The following BCKDHB variants were observed in gnomAD, a reference collection of about 807,000 sequenced individuals.
BCKDHB encodes the protein branched chain keto acid dehydrogenase E1 subunit beta, also known as 2-oxoisovalerate dehydrogenase subunit beta, mitochondrial.
Under a neutral mutation model 48.5 loss-of-function variants are expected in BCKDHB, and 41 were observed. The observed-to-expected ratio is 0.85, with a 90% CI of 0.66 to 1.10. The LOEUF is 1.10. BCKDHB is among the 50% of genes least tolerant of loss of function. BCKDHB has a pLI of 0.00. For missense variants in BCKDHB, 496 were observed against 494.2 expected (o/e 1.00, Z -0.03); for synonymous variants, 201 against 174.8 (o/e 1.15, Z -1.18).
chr6:80,342,934 C>T (rs1210868699), intron 9 of BCKDHB, among the ~76,000 whole-genome samples: 3 of 152,290 alleles, frequency 2.0e-5, no homozygotes, highest in Middle Eastern at 3.4e-3. Context: ...TCATGGAAGA[C>T]AGATAATTGG....
chr6:80,197,084 A>G (rs182250475), intron 6 of BCKDHB, among the ~76,000 whole-genome samples: 52 of 152,300 alleles, frequency 3.4e-4, no homozygotes, highest in Admixed American at 3.1e-3. Flanking sequence ...GGAATCTGTA[A>G]TATGACTCTG....
At chr6:80,226,273 G>T (rs1404641862) in intron 8 of BCKDHB, among the ~76,000 whole-genome samples, 2 of 152,130 alleles carry the variant, frequency 1.3e-5, no homozygotes, top group Non-Finnish European at 2.9e-5. Flanking sequence ...TCCATATAGG[G>T]GCATTCAACG....
At chr6:80,140,107 T>C (rs895380993) in intron 3 of BCKDHB, among the ~76,000 whole-genome samples, 13 of 152,214 alleles carry the variant, frequency 8.5e-5, no homozygotes, top group African/African-American at 2.7e-4. Flanking sequence ...TCTCTGTTTG[T>C]CTTTTATTGG....
At position 80,259,668 on chromosome 6, in the gene BCKDHB, A is replaced by G. The variant is rs181539049; in HGVS notation, c.952-13467A>G. Among the ~76,000 whole-genome samples the G allele has an allele frequency of 3.0e-3, 461 of 152,338 alleles. 1 individual carries two copies. The highest frequency in any genetic ancestry group is 0.027 in the Middle Eastern group (8 of 294). ...GCCAAAAGAATAATGATACCCTAACATGTTTCTTTTAATTTATTGGAAATA... is the reference window on the plus strand; with the variant it reads ...GCCAAAAGAATAATGATACCCTAACGTGTTTCTTTTAATTTATTGGAAATA... On this transcript the variant is annotated intron_variant, in intron 8 of 9. Transcript: ENST00000320393.
chr6:80,338,376 A>G (rs1320498255), intron 9 of BCKDHB, among the ~76,000 whole-genome samples: 1 of 152,094 alleles, frequency 6.6e-6, no homozygotes, highest in Non-Finnish European at 1.5e-5. Context: ...GTGTGCGCGG[A>G]GGGATTTCCA....
At chr6:80,356,340 G>A in the BCKDHB span, 2 of 152,162 alleles carry the variant, frequency 1.3e-5, no homozygotes, top group African/African-American at 2.4e-5. Context: ...AACAATAAAA[G>A]TGTTCAAATA....
chr6:80,117,131 A>G (rs1399910871), intron 1 of BCKDHB, among the ~76,000 whole-genome samples: 1 of 152,232 alleles, frequency 6.6e-6, no homozygotes, highest in Non-Finnish European at 1.5e-5. Flanking sequence ...AAAACTTAGA[A>G]AAGTATCTGG....
intron 8 of BCKDHB, among the ~76,000 whole-genome samples, chr6:80,207,533 TAATTA>T (rs1774723801): frequency 6.6e-6 from 1 of 151,762 alleles, no homozygotes; most frequent in Admixed American, 6.6e-5. Context: ...AATATAGAAG[TAATTA>T]AATTAAATAC....
chr6:80,280,564 C>A (rs60632324), intron 9 of BCKDHB, among the ~76,000 whole-genome samples: 668 of 152,136 alleles, frequency 4.4e-3, no homozygotes, highest in African/African-American at 0.015. Context: ...GTGGGCATTG[C>A]AGATCAAGTA....
the BCKDHB span, among the ~76,000 whole-genome samples, chr6:80,419,066 G>T: frequency 1.3e-5 from 2 of 152,168 alleles, no homozygotes; most frequent in Non-Finnish European, 1.5e-5. Context: ...CATGGCAGCA[G>T]GGCTGGCTGG....
At chr6:80,261,782 A>G (rs1777314424) in intron 8 of BCKDHB, among the ~76,000 whole-genome samples, 1 of 152,064 alleles carries the variant, frequency 6.6e-6, no homozygotes, top group Non-Finnish European at 1.5e-5. Flanking sequence ...TTTCTTCTGG[A>G]TGTTAAGTAG....
At chr6:80,189,132 T>A (rs1173303845) in intron 6 of BCKDHB, among the ~76,000 whole-genome samples, 1 of 152,250 alleles carries the variant, frequency 6.6e-6, no homozygotes, top group Non-Finnish European at 1.5e-5. Flanking sequence ...TACTTACATT[T>A]AATAAATAGA....
At chr6:80,257,829 C>T (rs1024288068) in intron 8 of BCKDHB, among the ~76,000 whole-genome samples, 4 of 152,070 alleles carry the variant, frequency 2.6e-5, no homozygotes, top group Non-Finnish European at 5.9e-5. Flanking sequence ...TATATCCCAG[C>T]CCAGCAAATA....
chr6:80,283,795 T>TA (rs760501530), intron 9 of BCKDHB, among the ~76,000 whole-genome samples: 1 of 152,134 alleles, frequency 6.6e-6, no homozygotes, highest in Non-Finnish European at 1.5e-5. Flanking sequence ...ATGTATATTT[T>TA]AAAATGTACA....
chr6:80,347,169 T>G (rs1473443656), downstream of BCKDHB, among the ~76,000 whole-genome samples: 1 of 152,188 alleles, frequency 6.6e-6, no homozygotes, highest in African/African-American at 2.4e-5. Flanking sequence ...AGGCACTTGA[T>G]CACAGAGTCT....
At chr6:80,302,512 T>C (rs934230290) in intron 9 of BCKDHB, among the ~76,000 whole-genome samples, 2 of 152,188 alleles carry the variant, frequency 1.3e-5, no homozygotes, top group Non-Finnish European at 1.5e-5. Flanking sequence ...AATCATGACA[T>C]AATCAACATG....
At chr6:80,202,005 G>C (rs1774418722) in intron 7 of BCKDHB, among the ~76,000 whole-genome samples, 1 of 152,012 alleles carries the variant, frequency 6.6e-6, no homozygotes, top group East Asian at 1.9e-4. Flanking sequence ...TGCTTGGCGA[G>C]TTGTATCCCA....
At chr6:80,425,010 G>A in the BCKDHB span, among the ~76,000 whole-genome samples, 25 of 152,278 alleles carry the variant, frequency 1.6e-4, no homozygotes, top group African/African-American at 5.8e-4. Flanking sequence ...CTAATGCAAA[G>A]AAGAGGAATG....
At chr6:80,399,437 A>T in the BCKDHB span, among the ~76,000 whole-genome samples, 11 of 152,160 alleles carry the variant, frequency 7.2e-5, no homozygotes, top group Non-Finnish European at 1.5e-4. Flanking sequence ...AATAACTAAC[A>T]TTTCTAAACA....
Sources: gnomAD v4.1 joint callset for allele counts (sites outside exome capture counted in the v4.1 genomes callset) on GRCh38, gnomAD v4.1.1 for gene constraint, MANE v1.5 for transcripts, NCBI Gene and HGNC (gene_info 2026-07-23, HGNC 2026-07-21) for gene names.